Variants in NUTF2 observed in about 807,000 individuals in gnomAD.
NUTF2 encodes the protein placental protein 15.
Under a neutral mutation model 18.5 loss-of-function variants are expected in NUTF2, and 3 were observed. That is an observed-to-expected ratio of 0.16 (90% CI 0.07 to 0.42). The LOEUF is 0.42. Ranked by LOEUF, NUTF2 falls within the 10% of genes least tolerant of loss-of-function variation. The pLI is 0.99. For synonymous variants in NUTF2, 51 were observed against 57.9 expected, an observed-to-expected ratio of 0.88 and a Z score of 0.54; for missense variants, 44 against 160.7, an observed-to-expected ratio of 0.27 and a Z score of 3.93.
At chr16:67,866,498 C>T (rs1208222229) in intron 2 of NUTF2, among the ~76,000 whole-genome samples, 1 of 151,808 alleles carries the variant, frequency 6.6e-6, no homozygotes, top group Admixed American at 6.6e-5. Context: ...TGCAGTCTCA[C>T]TCTGTCGCCC....
At position 67,868,118 on chromosome 16, in the gene NUTF2, T is replaced by C. The variant is rs554873247; in HGVS notation, c.100-222T>C. The stretch of plus-strand genomic sequence containing the variant: ...ACTTCTTAAATACAAATGGGAAGTA[T>C]ATTTTATTAAATAGTCTTTCAAAGC... On this transcript the variant is annotated intron_variant, in intron 2 of 4. Transcript: ENST00000219169. Among the ~76,000 whole-genome samples, 125 of 152,290 alleles carry C rather than the reference T, an allele frequency of 8.2e-4. 1 individual carries two copies. Among genetic ancestry groups the C allele is most frequent in the African/African-American group, 3.0e-3 (124 of 41,548 alleles).
At chr16:67,848,831 TAGA>T (rs1413883435) in intron 1 of NUTF2, among the ~76,000 whole-genome samples, 1 of 152,060 alleles carries the variant, frequency 6.6e-6, no homozygotes, top group Non-Finnish European at 1.5e-5. Flanking sequence ...TCAGGTCTCT[TAGA>T]AGGGCTGATT....
chr16:67,850,312 C>T (rs1386455749), intron 1 of NUTF2, among the ~76,000 whole-genome samples: 1 of 151,538 alleles, frequency 6.6e-6, no homozygotes, highest in East Asian at 2.0e-4. Context: ...TCACGCCATT[C>T]TCCTGCCTCA....
At chr16:67,850,208 C>CTT (rs1257563525) in intron 1 of NUTF2, among the ~76,000 whole-genome samples, 8 of 144,288 alleles carry the variant, frequency 5.5e-5, no homozygotes, top group East Asian at 4.0e-4. Flanking sequence ...CCTGTAACTT[C>CTT]TTTTTTTTTT....
intron 1 of NUTF2, among the ~76,000 whole-genome samples, chr16:67,854,158 T>A (rs1779595994): frequency 6.6e-6 from 1 of 152,152 alleles, no homozygotes; most frequent in Non-Finnish European, 1.5e-5. Flanking sequence ...ACCATGTTGG[T>A]TAGGATGATC....
chr16:67,868,005 G>A (rs1455621536), intron 2 of NUTF2, among the ~76,000 whole-genome samples: 1 of 152,164 alleles, frequency 6.6e-6, no homozygotes, highest in East Asian at 1.9e-4. Flanking sequence ...ATGACCTTTT[G>A]GGACTGACAC....
In NUTF2 at chr16:67,872,049, A is replaced by G. The variant is rs555807106; in HGVS notation, c.*1136A>G. The G allele has an allele frequency of 1.3e-5, 2 of 152,470 alleles. No individual in the cohort carries two copies. The highest frequency in any genetic ancestry group is 1.9e-4 in the East Asian group (1 of 5,188). 9.4% of individuals were successfully genotyped at this position (152,470 alleles called of 1,614,324 possible). On this transcript the variant is annotated 3_prime_UTR_variant, in exon 5 of 5. Coordinates refer to ENST00000219169, the MANE Select transcript of NUTF2 (RefSeq NM_005796.3). ...TTCCTCAGCATACAGACTTCATGCT[A>G]TCTTCCAATTCCGGGGAGTCTTAGC...
chr16:67,855,388 A>AC (rs753089083), intron 1 of NUTF2, among the ~76,000 whole-genome samples: 1 of 152,192 alleles, frequency 6.6e-6, no homozygotes, highest in African/African-American at 2.4e-5. Context: ...CTGCTGGCTG[A>AC]CCAGTGGCCA....
chr16:67,849,145 A>C (rs1293963053), intron 1 of NUTF2, among the ~76,000 whole-genome samples: 1 of 152,216 alleles, frequency 6.6e-6, no homozygotes, highest in Non-Finnish European at 1.5e-5. Context: ...GGAGAGGCCA[A>C]CTTTGCCAGT....
intron 1 of NUTF2, among the ~76,000 whole-genome samples, chr16:67,860,044 A>G (rs181371844): frequency 2.3e-4 from 34 of 150,356 alleles, no homozygotes; most frequent in South Asian, 4.2e-4. Context: ...CAGTGGTGCA[A>G]TCTCCACTCA....
intron 2 of NUTF2, among the ~76,000 whole-genome samples, chr16:67,865,632 G>A (rs2151299978): frequency 6.6e-6 from 1 of 152,184 alleles, no homozygotes; most frequent in East Asian, 1.9e-4. Flanking sequence ...CAAGGCTCCT[G>A]AATGCTCATG....
intron 1 of NUTF2, among the ~76,000 whole-genome samples, chr16:67,849,653 T>C (rs183244851): frequency 3.8e-4 from 56 of 148,338 alleles, no homozygotes; most frequent in Admixed American, 3.5e-3. Flanking sequence ...ATTTTATTTT[T>C]ATTTTTATCT....
intron 1 of NUTF2, among the ~76,000 whole-genome samples, chr16:67,851,710 C>T (rs1206602645): frequency 6.6e-6 from 1 of 151,610 alleles, no homozygotes; most frequent in Non-Finnish European, 1.5e-5. Context: ...CCTGGAGACA[C>T]AGAATTTTCA....
rs1245639763 is a variant in NUTF2 at position 67,868,538 on chromosome 16, C to T, written c.209C>T (p.Ala70Val). 5 of 1,614,080 alleles carry T rather than the reference C, an allele frequency of 3.1e-6. No homozygotes were observed. The highest frequency in any genetic ancestry group is 2.5e-6 in the Non-Finnish European group (3 of 1,180,008). The part of the protein sequence containing the change: ...PFQKIQHSIT[A>V]QDHQPTPDSC... The stretch of plus-strand genomic sequence containing the variant: ...CAGAAAATTCAGCACAGCATCACCG[C>T]GCAGGACCATCAGCCCACTCCAGAT... The change falls in exon 4 of 5, where the codon GCG (alanine) becomes GTG (valine). Residue 70 changes from alanine to valine, a missense_variant. Transcript: ENST00000219169.
In NUTF2 at chr16:67,870,880, C is replaced by T; in HGVS notation, c.351C>T (p.Asp117=). Residue 117 remains aspartate, a synonymous_variant, in exon 5 of 5, where the codon GAC becomes GAT. Transcript: ENST00000219169. Reference sequence around the variant, plus strand: ...ACGATGCTTGGGTTTGCACCAATGACATGTTCAGGCTCGCCCTGCACAACT... The same window carrying T: ...ACGATGCTTGGGTTTGCACCAATGATATGTTCAGGCTCGCCCTGCACAACT... ...NINDAWVCTN[D]MFRLALHNFG 1 of 1,613,978 alleles carries T rather than the reference C, an allele frequency of 6.2e-7. No homozygotes were observed. The highest frequency in any genetic ancestry group is 8.5e-7 in the Non-Finnish European group (1 of 1,179,842).
chr16:67,862,932 G>T (rs551866275), intron 1 of NUTF2, among the ~76,000 whole-genome samples: 2 of 152,340 alleles, frequency 1.3e-5, no homozygotes, highest in Admixed American at 1.3e-4. Context: ...AGGAGATGTG[G>T]CCCTTATCCA....
intron 1 of NUTF2, among the ~76,000 whole-genome samples, chr16:67,864,246 C>T (rs2057953686): frequency 6.6e-6 from 1 of 152,220 alleles, no homozygotes; most frequent in African/African-American, 2.4e-5. Flanking sequence ...TACAGTGGCT[C>T]ACGCCTGTAA....
chr16:67,862,216 C>T (rs1427463449), intron 1 of NUTF2, among the ~76,000 whole-genome samples: 1 of 152,144 alleles, frequency 6.6e-6, no homozygotes, highest in Non-Finnish European at 1.5e-5. Context: ...CGGGCCTTGA[C>T]CAGAGGACCC....
At chr16:67,868,689 C>A in intron 4 of NUTF2, 90 bp downstream of exon 4, 1 of 1,188,222 alleles carries the variant, frequency 8.4e-7, no homozygotes, top group Non-Finnish European at 1.2e-6. Context: ...ACCTGCTTAT[C>A]TAGGGACACC....
Sources: allele counts gnomAD v4.1 joint callset (sites outside exome capture counted in the v4.1 genomes callset), GRCh38; gene constraint gnomAD v4.1.1; transcripts MANE v1.5; gene names NCBI Gene and HGNC (gene_info 2026-07-23, HGNC 2026-07-21).